Variants in SDR16C5 observed in about 807,000 individuals in gnomAD.
SDR16C5 encodes the protein epidermal retinol dehydrogenase 2.
In SDR16C5, 20 loss-of-function variants were observed where a neutral mutation model predicts 27.7. That is an observed-to-expected ratio of 0.72 (90% CI 0.51 to 1.05). The LOEUF is 1.05. SDR16C5 is among the 50% of genes least tolerant of loss of function. The probability of loss-of-function intolerance (pLI) is 0.00; values close to 1 mark genes in which losing one functional copy is unlikely to be tolerated. For missense variants in SDR16C5, 374 were observed against 366.3 expected, an observed-to-expected ratio of 1.02 and a Z score of -0.17; for synonymous variants, 139 against 132.3, an observed-to-expected ratio of 1.05 and a Z score of -0.35.
At chr8:56,307,729 GT>G (rs1435145991) in intron 4 of SDR16C5, among the ~76,000 whole-genome samples, 2 of 152,182 alleles carry the variant, frequency 1.3e-5, no homozygotes, top group Non-Finnish European at 2.9e-5. Context: ...ATGCAGCTGA[GT>G]CCCTTGACCC....
At position 56,305,481 on chromosome 8, in the gene SDR16C5, A is replaced by T. The variant is rs756224858; in HGVS notation, c.836+116T>A. The T allele has an allele frequency of 1.4e-5, 13 of 931,580 alleles. No homozygotes were observed. The East Asian group carries it at 1.8e-4, about 13-fold the overall frequency. The allele number at this position is 931,580 out of a possible 1,614,324, so 57.7% of individuals were successfully genotyped here. A position where few individuals can be genotyped will look rare whatever the true frequency, so the allele number is the denominator to read the frequency against. Reference sequence around the variant, plus strand: ...TGATAGGACTAACAGGACTTAATAGAATTAAATTAATGAATTTTAATTTAT... The same window carrying T: ...TGATAGGACTAACAGGACTTAATAGTATTAAATTAATGAATTTTAATTTAT... On this transcript the variant is annotated intron_variant, in intron 6 of 6. Transcript: ENST00000303749.
intron 6 of SDR16C5, among the ~76,000 whole-genome samples, chr8:56,302,186 G>A (rs1438365460): frequency 1.3e-5 from 2 of 152,288 alleles, no homozygotes; most frequent in Non-Finnish European, 2.9e-5. Flanking sequence ...TGCAGAGCAA[G>A]GAAACAAAGC....
rs1331247037 is a variant in SDR16C5, at chr8:56,316,341, A to C, written c.7T>G (p.Phe3Val). The C allele has an allele frequency of 6.2e-7, 1 of 1,611,766 alleles. No homozygotes were observed. Among genetic ancestry groups the C allele is most frequent in the Admixed American group, 1.7e-5 (1 of 60,012 alleles). The part of the protein sequence containing the change: MS[F>V]NLQSSKKLFI... ...AGTTTCTTTGATGATTGCAGGTTGA[A>C]AGACATGTTCTGGCTGACACCTGTG... Residue 3 changes from phenylalanine (F) to valine (V), a missense_variant, in exon 2 of 7, where the codon TTC (phenylalanine) becomes GTC (valine). Phe to Val is a conservative substitution (Grantham distance 50, BLOSUM62 -1). Coordinates refer to ENST00000303749, the MANE Select transcript of SDR16C5 (RefSeq NM_138969.4).
rs1196718256 is a variant in SDR16C5, at chr8:56,316,212, T to C, written c.136A>G (p.Thr46Ala). 2.5e-6 allele frequency: 4 copies of C among 1,614,118 alleles called. No homozygotes were observed. Residue 46 changes from threonine to alanine, a missense_variant, in exon 2 of 7, where the codon ACA becomes GCA. Transcript: ENST00000303749. The stretch of plus-strand genomic sequence containing the variant: ...CTTCCGAGTCCACTTCCAGCACCTG[T>C]GATGAGGACTATTTCACCAGCAACG... ...KNVAGEIVLI[T>A]GAGSGLGRLL...
intron 3 of SDR16C5, 109 bp from the exon 4 acceptor site, chr8:56,309,136 A>G (rs1814961714): frequency 1.0e-6 from 1 of 957,268 alleles, no homozygotes. Flanking sequence ...AGCCTGTAAA[A>G]TATCTGAAGG....
intron 2 of SDR16C5, among the ~76,000 whole-genome samples, chr8:56,314,498 G>A (rs938880943): frequency 2.0e-5 from 3 of 152,170 alleles, no homozygotes; most frequent in Non-Finnish European, 2.9e-5. Context: ...AATCTTCATC[G>A]TTTGAACATC....
At chr8:56,311,676 T>C (rs982154551) in intron 3 of SDR16C5, among the ~76,000 whole-genome samples, 9 of 152,200 alleles carry the variant, frequency 5.9e-5, no homozygotes, top group African/African-American at 1.9e-4. Context: ...AAGGTGACTA[T>C]AGGTTTTGGT....
chr8:56,303,731 T>G (rs1015349044), intron 6 of SDR16C5, among the ~76,000 whole-genome samples: 1 of 152,214 alleles, frequency 6.6e-6, no homozygotes, highest in Admixed American at 6.5e-5. Context: ...TGCATAAAAC[T>G]AAACATAATC....
At chr8:56,303,691 C>T (rs1033374702) in intron 6 of SDR16C5, among the ~76,000 whole-genome samples, 2 of 152,190 alleles carry the variant, frequency 1.3e-5, no homozygotes, top group Non-Finnish European at 2.9e-5. Context: ...CTATCTAGCC[C>T]TCTCTCAAAA....
chr8:56,309,115 C>A (rs1406430736), intron 3 of SDR16C5, 88 bp from the exon 4 acceptor site: 2 of 1,041,240 alleles, frequency 1.9e-6, no homozygotes, highest in Non-Finnish European at 2.6e-6. Context: ...ATTAAAAAAT[C>A]TTTTTTTTTC....
chr8:56,313,344 C>T (rs1342474950), intron 2 of SDR16C5, among the ~76,000 whole-genome samples: 3 of 152,220 alleles, frequency 2.0e-5, no homozygotes, highest in African/African-American at 7.2e-5. Flanking sequence ...AGAGAAAGTA[C>T]AGTCATAAAT....
At chr8:56,316,404 T>C in intron 1 of SDR16C5, 43 bp from the exon 2 acceptor site, 1 of 1,290,812 alleles carries the variant, frequency 7.7e-7, no homozygotes, top group Non-Finnish European at 1.1e-6. Context: ...ATTTGTCCAT[T>C]TCCTCTGAGT....
intron 3 of SDR16C5, 172 bp from the exon 4 acceptor site, chr8:56,309,199 A>G: frequency 1.5e-6 from 1 of 689,496 alleles, no homozygotes; most frequent in Non-Finnish European, 1.8e-6. Flanking sequence ...TAACTTATTT[A>G]ACCTGTTAAA....
Position 56,312,214 on chromosome 8 carries a change from G to A in SDR16C5, c.408C>T (p.Asp136=), listed in dbSNP as rs1315680758. Residue 136 remains aspartate, a synonymous_variant, in exon 3 of 7, where the codon GAC becomes GAT. Transcript: ENST00000303749. ...AGIVTGKKFL[D]CPDELMEKSF... ...ACTTTTCCATAAGCTCATCTGGACA[G>A]TCAAGGAACTTTTTGCCTGTTACGA... 1.9e-6 allele frequency: 3 copies of A among 1,613,090 alleles called. No individual in the cohort carries two copies. The highest frequency in any genetic ancestry group is 2.5e-6 in the Non-Finnish European group (3 of 1,179,166).
intron 3 of SDR16C5, among the ~76,000 whole-genome samples, chr8:56,311,744 A>C (rs1424747855): frequency 1.3e-5 from 2 of 152,224 alleles, no homozygotes; most frequent in East Asian, 3.8e-4. Flanking sequence ...TTTCACTTCC[A>C]AAAGTGTCCC....
intron 1 of SDR16C5, among the ~76,000 whole-genome samples, 199 bp from the exon 2 acceptor site, chr8:56,316,560 G>C (rs1815203935): frequency 6.6e-6 from 1 of 152,188 alleles, no homozygotes; most frequent in Admixed American, 6.5e-5. Flanking sequence ...TTTCTTACTT[G>C]GCCCCAGGCT....
intron 6 of SDR16C5, 119 bp from the exon 7 acceptor site, chr8:56,301,692 C>G (rs1814759142): frequency 2.8e-6 from 2 of 704,456 alleles, no homozygotes; most frequent in Non-Finnish European, 5.0e-6. Context: ...CATGCACACA[C>G]TATGCAGCCT....
intron 6 of SDR16C5, among the ~76,000 whole-genome samples, chr8:56,303,314 T>TAA (rs11339876): frequency 1.5e-5 from 2 of 136,192 alleles, no homozygotes; most frequent in Non-Finnish European, 3.2e-5. Context: ...ACTCCATCTT[T>TAA]AAAAAAAAAA....
At chr8:56,303,147 C>G (rs1281477508) in intron 6 of SDR16C5, among the ~76,000 whole-genome samples, 1 of 151,914 alleles carries the variant, frequency 6.6e-6, no homozygotes. Context: ...AACCCCATCT[C>G]TACTAAAAAT....
Sources: allele counts gnomAD v4.1 joint callset (sites outside exome capture counted in the v4.1 genomes callset), GRCh38; gene constraint gnomAD v4.1.1; transcripts MANE v1.5; gene names NCBI Gene and HGNC (gene_info 2026-07-23, HGNC 2026-07-21).